ELF1: variants seen among roughly 807,000 people sequenced by gnomAD.
ELF1 encodes the protein E74 like ETS transcription factor 1, also known as ETS-related transcription factor Elf-1.
In ELF1, 24 loss-of-function variants were observed where a neutral mutation model predicts 59.9. The ratio of observed to expected loss-of-function variants is 0.40; its 90% confidence interval spans 0.29 to 0.56. The LOEUF is 0.56. Among genes scored for constraint, ELF1 ranks in the 20% least tolerant of loss-of-function variants. The probability of loss-of-function intolerance (pLI) is 0.44; values close to 1 mark genes in which losing one functional copy is unlikely to be tolerated. For synonymous variants in ELF1, 248 were observed against 266.2 expected, an observed-to-expected ratio of 0.93 and a Z score of 0.67; for missense variants, 627 against 742.2, an observed-to-expected ratio of 0.84 and a Z score of 1.80.
chr13:41,042,928 T>C (rs1265710431), intron 1 of ELF1, among the ~76,000 whole-genome samples: 4 of 152,228 alleles, frequency 2.6e-5, no homozygotes, highest in Non-Finnish European at 5.9e-5. Context: ...ACCAACAGTG[T>C]AAAAGTGTTC....
chr13:40,986,881 G>A (rs147881744), intron 1 of ELF1, among the ~76,000 whole-genome samples: 84 of 149,332 alleles, frequency 5.6e-4, no homozygotes, highest in Middle Eastern at 3.5e-3. Context: ...AAGGTTTTTA[G>A]ACACAAGGAT....
chr13:40,951,553 A>C (rs1253655037), intron 3 of ELF1, 117 bp from the exon 4 acceptor site: 4 of 629,760 alleles, frequency 6.4e-6, no homozygotes, highest in Non-Finnish European at 1.0e-5. Context: ...GTTTATATAT[A>C]TATATAAACT....
intron 1 of ELF1, among the ~76,000 whole-genome samples, chr13:41,012,855 C>T (rs1036412008): frequency 5.3e-5 from 8 of 152,090 alleles, no homozygotes; most frequent in Non-Finnish European, 1.2e-4. Context: ...ACAGTGCCCA[C>T]TTGTCAACTA....
chr13:41,042,554 C>A (rs1414878021), intron 1 of ELF1, among the ~76,000 whole-genome samples: 1 of 151,866 alleles, frequency 6.6e-6, no homozygotes, highest in Non-Finnish European at 1.5e-5. Flanking sequence ...TGAGAACATG[C>A]GGTGTTTGGT....
chr13:40,984,478 G>A (rs1012177798), intron 1 of ELF1, among the ~76,000 whole-genome samples: 5 of 152,146 alleles, frequency 3.3e-5, no homozygotes, highest in Non-Finnish European at 7.4e-5. Context: ...TGAGGCAGGA[G>A]GATCACTTGA....
intron 1 of ELF1, among the ~76,000 whole-genome samples, chr13:40,983,636 T>C (rs1873403654): frequency 6.6e-6 from 1 of 152,162 alleles, no homozygotes; most frequent in Non-Finnish European, 1.5e-5. Flanking sequence ...ACTGGGAAAG[T>C]ATTTTTAGCA....
chr13:41,040,747 C>T (rs1367820012), intron 1 of ELF1, among the ~76,000 whole-genome samples: 2 of 152,146 alleles, frequency 1.3e-5, no homozygotes, highest in African/African-American at 2.4e-5. Flanking sequence ...CGCCTGGTTC[C>T]TAACAGGCCA....
At position 40,951,316 on chromosome 13, in the gene ELF1, C is replaced by G. The variant is rs765346715; in HGVS notation, c.361+13G>C. The G allele has an allele frequency of 6.3e-7, 1 of 1,594,678 alleles. No individual in the cohort carries two copies. Among genetic ancestry groups the G allele is most frequent in the Non-Finnish European group, 8.6e-7 (1 of 1,165,346 alleles). ...AACAAAGTACATAAACATAAACAAT[C>G]ATAATCACTCACTTATTCGTTTTTC... is the stretch of plus-strand genomic sequence containing the variant. On this transcript the variant is annotated intron_variant, in intron 4 of 8. Transcript: ENST00000239882.
rs527834354 is a variant in ELF1, at chr13:40,951,876, A to C, written c.254-440T>G. Among the ~76,000 whole-genome samples, 8 of 152,140 alleles carry C rather than the reference A, an allele frequency of 5.3e-5. No homozygotes were observed. In the South Asian group the frequency reaches 1.2e-3, roughly 24 times the overall value. The stretch of plus-strand genomic sequence containing the variant: ...AGTGAGACTCTGTCTTAAAAAAAAA[A>C]AACAGAAACTATTACATTAAAAAAT... On this transcript the variant is annotated intron_variant, in intron 3 of 8. Coordinates refer to ENST00000239882, the MANE Select transcript of ELF1 (RefSeq NM_172373.4).
At chr13:40,969,823 C>CT (rs1872415359) in intron 2 of ELF1, among the ~76,000 whole-genome samples, 1 of 152,172 alleles carries the variant, frequency 6.6e-6, no homozygotes, top group African/African-American at 2.4e-5. Context: ...CCCACTTCCG[C>CT]TTCCCAAGCA....
rs1164306892 is a variant in ELF1, at chr13:41,016,914, C to CAA, written c.-229+2312_-229+2313dup. Reference sequence around the variant, plus strand: ...GGGCAACAAGAGTGAAACTCCGTCTCAAAAAAAAAAAAAAAAAAAAAAAAA... The same window carrying CAA: ...GGGCAACAAGAGTGAAACTCCGTCTCAAAAAAAAAAAAAAAAAAAAAAAAAAA... On this transcript the variant is annotated intron_variant, in intron 1 of 8. Transcript: ENST00000239882. Among the ~76,000 whole-genome samples, 18 of 12,908 alleles carry CAA rather than the reference C, an allele frequency of 1.4e-3. 7 individuals carry two copies. The highest frequency in any genetic ancestry group is 8.1e-3 in the South Asian group (2 of 246). 8.5% of individuals were successfully genotyped at this position (12,908 alleles called of 152,430 possible). A position where few individuals can be genotyped will look rare whatever the true frequency, so the allele number is the denominator to read the frequency against.
intron 1 of ELF1, among the ~76,000 whole-genome samples, chr13:41,027,242 C>T (rs1166230307): frequency 6.6e-6 from 1 of 152,234 alleles, no homozygotes; most frequent in Admixed American, 6.5e-5. Context: ...CAGATCTCTC[C>T]TAACTGGGCA....
chr13:40,951,487 T>A (rs778919985), intron 3 of ELF1, 51 bp from the exon 4 acceptor site: 3 of 1,469,226 alleles, frequency 2.0e-6, no homozygotes, highest in Admixed American at 3.4e-5. Flanking sequence ...CATCTGTTAC[T>A]CTGAAAGTCA....
At chr13:40,951,692 CCT>C (rs1209250024) in intron 3 of ELF1, 1 of 240,020 alleles carries the variant, frequency 4.2e-6, no homozygotes, top group African/African-American at 2.3e-5. Flanking sequence ...ATGGAGAAAC[CCT>C]GTTTCTACTA....
chr13:40,972,321 A>T (rs1277474407), intron 2 of ELF1, among the ~76,000 whole-genome samples: 1 of 152,202 alleles, frequency 6.6e-6, no homozygotes, highest in East Asian at 1.9e-4. Context: ...AACTATGTCG[A>T]AACAAATGTT....
chr13:41,010,285 A>C (rs1205965154), intron 1 of ELF1, among the ~76,000 whole-genome samples: 2 of 151,592 alleles, frequency 1.3e-5, no homozygotes, highest in East Asian at 1.9e-4. Flanking sequence ...AAAGGAAAAA[A>C]AAAAAAAACA....
chr13:41,040,388 T>C (rs1339429480), intron 1 of ELF1, among the ~76,000 whole-genome samples: 1 of 152,216 alleles, frequency 6.6e-6, no homozygotes, highest in Non-Finnish European at 1.5e-5. Context: ...CAAAACAGTA[T>C]GTGATCACAT....
At chr13:41,046,740 G>A (rs1342670300) in intron 1 of ELF1, among the ~76,000 whole-genome samples, 1 of 152,090 alleles carries the variant, frequency 6.6e-6, no homozygotes, top group African/African-American at 2.4e-5. Context: ...TTTCAACTTT[G>A]GTGAATCTGA....
intron 1 of ELF1, among the ~76,000 whole-genome samples, chr13:41,043,304 T>C (rs537235124): frequency 5.9e-5 from 9 of 152,342 alleles, no homozygotes; most frequent in South Asian, 2.1e-4. Flanking sequence ...AGCTCTTTAG[T>C]TTAATTAGAT....
Sources: gnomAD v4.1 joint callset for allele counts (sites outside exome capture counted in the v4.1 genomes callset) on GRCh38, gnomAD v4.1.1 for gene constraint, MANE v1.5 for transcripts, NCBI Gene and HGNC (gene_info 2026-07-23, HGNC 2026-07-21) for gene names.